SPEF2: variants seen among roughly 807,000 people sequenced by gnomAD.
SPEF2 encodes sperm flagella and cilia-associated protein 2.
SPEF2 carries 187 observed loss-of-function variants against 224.6 expected under a neutral mutation model. The observed-to-expected ratio is 0.83, with a 90% confidence interval of 0.74 to 0.94. SPEF2 has a LOEUF of 0.94. Among genes scored for constraint, SPEF2 ranks in the 40% least tolerant of loss-of-function variants. SPEF2 has a pLI of 0.00. For missense variants in SPEF2, 2,170 were observed against 2,135.6 expected (o/e 1.02, Z -0.32); for synonymous variants, 715 against 707.3 (o/e 1.01, Z -0.17).
intron 8 of SPEF2, among the ~76,000 whole-genome samples, chr5:35,663,805 G>A (rs1750051524): frequency 6.6e-6 from 1 of 152,062 alleles, no homozygotes; most frequent in South Asian, 2.1e-4. Flanking sequence ...AGGTTATAAG[G>A]GCCAAGCCAT....
Position 35,667,128 on chromosome 5 carries a change from ATT to A in SPEF2, c.1226_1227del (p.Phe409SerfsTer2). The A allele has an allele frequency of 6.2e-7, 1 of 1,610,720 alleles. No individual in the cohort carries two copies. Among genetic ancestry groups the A allele is most frequent in the South Asian group, 1.1e-5 (1 of 89,666 alleles). On this transcript the variant is annotated frameshift_variant, in exon 9 of 37. Coordinates refer to ENST00000356031, the MANE Select transcript of SPEF2 (RefSeq NM_024867.4). LOFTEE classifies it high-confidence loss of function. ...FEEQFLKEKR[F>X]HDQIAVERAQ... Reference sequence around the variant, plus strand: ...AAGAACAATTCCTTAAAGAAAAGAGATTTCATGATCAGATTGCTGTGGAAAGA... The same window carrying A: ...AAGAACAATTCCTTAAAGAAAAGAGATCATGATCAGATTGCTGTGGAAAGA...
At chr5:35,674,662 A>G (rs1580216501) in intron 10 of SPEF2, among the ~76,000 whole-genome samples, 1 of 151,448 alleles carries the variant, frequency 6.6e-6, no homozygotes, top group East Asian at 2.0e-4. Context: ...TTTGCTGAGA[A>G]TGATGGTTTA....
chr5:35,683,549 C>T (rs554397080), intron 10 of SPEF2, among the ~76,000 whole-genome samples: 17 of 152,260 alleles, frequency 1.1e-4, no homozygotes, highest in African/African-American at 3.1e-4. Flanking sequence ...TGCTTGAACT[C>T]GAGAGATGGA....
chr5:35,641,677 T>C lies in SPEF2; in HGVS notation c.408T>C (p.Phe136=), dbSNP rs1429400327. ...TTCAAAACATGAAAAGTGATACTTTTCAAGAGGTAGGTACATAAAAAAGCA... is the reference window on the plus strand; with the variant it reads ...TTCAAAACATGAAAAGTGATACTTTCCAAGAGGTAGGTACATAAAAAAGCA... ...LRLQNMKSDT[F]QERLRHMIPR... is the part of the protein sequence containing the mutation. Residue 136 remains phenylalanine, a synonymous_variant, in exon 3 of 37, where the codon TTT becomes TTC. Transcript: ENST00000356031. 6.2e-7 allele frequency: 1 copy of C among 1,612,578 alleles called. No individual in the cohort carries two copies. Among genetic ancestry groups the C allele is most frequent in the Non-Finnish European group, 8.5e-7 (1 of 1,179,364 alleles).
At chr5:35,776,907 A>G (rs1372195421) in intron 29 of SPEF2, among the ~76,000 whole-genome samples, 1 of 152,136 alleles carries the variant, frequency 6.6e-6, no homozygotes, top group South Asian at 2.1e-4. Context: ...CTGAGGGGCA[A>G]TGACTCTCAT....
intron 21 of SPEF2, among the ~76,000 whole-genome samples, chr5:35,736,755 T>C (rs1746674525): frequency 6.6e-6 from 1 of 152,200 alleles, no homozygotes; most frequent in Admixed American, 6.5e-5. Context: ...ATGAGGGGAA[T>C]GAGCAGGAGA....
intron 30 of SPEF2, chr5:35,788,903 T>C (rs1245406435): frequency 1.4e-6 from 1 of 702,982 alleles, no homozygotes; most frequent in South Asian, 1.5e-5. Context: ...GAGAACTGCT[T>C]TCAAAGGCCT....
Position 35,644,532 on chromosome 5 carries a change from T to C in SPEF2, c.585+7T>C. 1.9e-6 allele frequency: 3 copies of C among 1,582,002 alleles called. No homozygotes were observed. The highest frequency in any genetic ancestry group is 2.6e-6 in the Non-Finnish European group (3 of 1,167,110). On this transcript the variant is annotated splice_region_variant and intron_variant, in intron 4 of 36. Transcript: ENST00000356031. ...ATGTTTTGATATTGAAAAGGTTCTATAGAACTATTTTTTCAGAAATTCATT... is the reference window on the plus strand; with the variant it reads ...ATGTTTTGATATTGAAAAGGTTCTACAGAACTATTTTTTCAGAAATTCATT...
At chr5:35,807,635 C>G in intron 36 of SPEF2, 1 of 1,535,168 alleles carries the variant, frequency 6.5e-7, no homozygotes, top group Non-Finnish European at 8.7e-7. Context: ...TCTAATCACG[C>G]AAGGTACACA....
intron 2 of SPEF2, 28 bp from the exon 3 acceptor site, chr5:35,641,403 T>C: frequency 6.3e-7 from 1 of 1,588,636 alleles, no homozygotes; most frequent in South Asian, 1.2e-5. Context: ...TGCTAATGTC[T>C]AATTATGTAA....
chr5:35,792,473 A>G (rs1373303436), intron 31 of SPEF2, 27 bp downstream of exon 31: 3 of 1,589,736 alleles, frequency 1.9e-6, no homozygotes, highest in Non-Finnish European at 2.6e-6. Context: ...TTTGAGTTGT[A>G]AAGCTTTAAG....
intron 13 of SPEF2, among the ~76,000 whole-genome samples, chr5:35,694,675 T>A (rs564147240): frequency 6.6e-6 from 1 of 152,340 alleles, no homozygotes; most frequent in Non-Finnish European, 1.5e-5. Flanking sequence ...GACAGTCTTT[T>A]CTTGTTCTCA....
chr5:35,805,292 C>A (rs1757921563), intron 34 of SPEF2, among the ~76,000 whole-genome samples: 1 of 151,996 alleles, frequency 6.6e-6, no homozygotes, highest in Non-Finnish European at 1.5e-5. Flanking sequence ...AGAGCTATAG[C>A]AAATGTAACC....
chr5:35,798,460 A>G (rs1756983306), intron 33 of SPEF2, among the ~76,000 whole-genome samples: 1 of 151,784 alleles, frequency 6.6e-6, no homozygotes, highest in African/African-American at 2.4e-5. Context: ...TTCCCCAGCT[A>G]ACTCCCTGCC....
intron 8 of SPEF2, among the ~76,000 whole-genome samples, chr5:35,661,324 C>T (rs1358118649): frequency 1.8e-5 from 2 of 112,664 alleles, no homozygotes; most frequent in Non-Finnish European, 3.7e-5. Context: ...TACACATATA[C>T]CAAAGTGTGT....
chr5:35,767,777 A>T (rs901690170), intron 26 of SPEF2, among the ~76,000 whole-genome samples: 3 of 152,118 alleles, frequency 2.0e-5, no homozygotes, highest in African/African-American at 7.2e-5. Flanking sequence ...ATGGGATATG[A>T]TGTGTATAAG....
At chr5:35,741,936 T>G (rs563985783) in intron 23 of SPEF2, among the ~76,000 whole-genome samples, 1 of 152,228 alleles carries the variant, frequency 6.6e-6, no homozygotes, top group South Asian at 2.1e-4. Flanking sequence ...ATTTAAAATA[T>G]CTTATTTGGG....
At chr5:35,809,711 A>G (rs1758419207) in intron 36 of SPEF2, among the ~76,000 whole-genome samples, 1 of 152,120 alleles carries the variant, frequency 6.6e-6, no homozygotes, top group Non-Finnish European at 1.5e-5. Context: ...AGCAAGAGAG[A>G]ATGAACAGGC....
rs1294422430 is a variant in SPEF2 at position 35,667,238 on chromosome 5, A to C, written c.1334A>C (p.Asp445Ala). Residue 445 changes from aspartate to alanine, a missense_variant, in exon 9 of 37, where the codon GAC becomes GCC. Coordinates refer to ENST00000356031, the MANE Select transcript of SPEF2 (RefSeq NM_024867.4). Reference protein sequence around the residue: ...QIVDLSTKVADYRMLTNNLIP... With the variant: ...QIVDLSTKVAAYRMLTNNLIP... ...GTTGATTTGTCCACTAAAGTGGCAG[A>C]CTATCGAATGTTGACAAATAAGTAA... 6.2e-7 allele frequency: 1 copy of C among 1,601,558 alleles called. No homozygotes were observed. The highest frequency in any genetic ancestry group is 8.5e-7 in the Non-Finnish European group (1 of 1,173,250).
Sources: gnomAD v4.1 joint callset for allele counts (sites outside exome capture counted in the v4.1 genomes callset) on GRCh38, gnomAD v4.1.1 for gene constraint, MANE v1.5 for transcripts, NCBI Gene and HGNC (gene_info 2026-07-23, HGNC 2026-07-21) for gene names.